NOVA1: variants seen among roughly 807,000 people sequenced by gnomAD.
The protein encoded by NOVA1 is NOVA alternative splicing regulator 1, also known as RNA-binding protein Nova-1.
In NOVA1, 7 loss-of-function variants were observed where a neutral mutation model predicts 38.0. The observed-to-expected ratio is 0.18, with a 90% CI of 0.10 to 0.35. NOVA1 has a LOEUF of 0.35. Among genes scored for constraint, NOVA1 ranks in the 10% least tolerant of loss-of-function variants. The probability of loss-of-function intolerance (pLI) is 1.00; values close to 1 mark genes in which losing one functional copy is unlikely to be tolerated. For missense variants in NOVA1, 460 were observed against 616.0 expected, an observed-to-expected ratio of 0.75 and a Z score of 2.68; for synonymous variants, 270 against 232.5, an observed-to-expected ratio of 1.16 and a Z score of -1.47.
At chr14:26,531,502 G>A (rs536438032) in intron 2 of NOVA1, among the ~76,000 whole-genome samples, 1 of 152,142 alleles carries the variant, frequency 6.6e-6, no homozygotes, top group Non-Finnish European at 1.5e-5. Flanking sequence ...AGCTACTCAG[G>A]AGGCTGAGAC....
intron 4 of NOVA1, 40 bp downstream of exon 4, chr14:26,472,280 C>A: frequency 1.6e-6 from 2 of 1,243,918 alleles, no homozygotes; most frequent in Non-Finnish European, 1.2e-6. Context: ...AGGCAATCAC[C>A]CGTGAAAAGT....
At chr14:26,479,824 C>G in intron 3 of NOVA1, 153 bp downstream of exon 3, 1 of 708,632 alleles carries the variant, frequency 1.4e-6, no homozygotes, top group South Asian at 2.2e-5. Flanking sequence ...AAGGATGAGA[C>G]CTTGATAGTC....
intron 4 of NOVA1, among the ~76,000 whole-genome samples, chr14:26,460,274 TTTCA>T (rs1281688919): frequency 2.0e-5 from 3 of 151,564 alleles, no homozygotes; most frequent in Non-Finnish European, 2.9e-5. Context: ...TACATTAGTA[TTTCA>T]TTAATACTTG....
chr14:26,523,723 C>A, intron 2 of NOVA1, among the ~76,000 whole-genome samples: 2 of 133,284 alleles, frequency 1.5e-5, no homozygotes, highest in Admixed American at 1.5e-4. Flanking sequence ...TTTTTTTTTT[C>A]TTTTTTTTCC....
Position 26,501,190 on chromosome 14 carries a change from A to G in NOVA1, c.281-21047T>C, listed in dbSNP as rs116736183. ...TCAGTGCTATTTGTAGAACTAAACA[A>G]GATGTTAAAAAGAAAAAGAAGATAA... On this transcript the variant is annotated intron_variant, in intron 2 of 4. Transcript: ENST00000539517. Among the ~76,000 whole-genome samples the G allele has an allele frequency of 3.2e-3, 488 of 152,140 alleles. 5 individuals are homozygous for G. The highest frequency in any genetic ancestry group is 0.011 in the African/African-American group (467 of 41,556).
chr14:26,554,783 C>G (rs538527784), intron 2 of NOVA1, among the ~76,000 whole-genome samples: 2 of 152,230 alleles, frequency 1.3e-5, no homozygotes, highest in Non-Finnish European at 2.9e-5. Context: ...TCTATGAATA[C>G]TAGGCTGAAT....
At position 26,443,262 on chromosome 14, in the gene NOVA1, A is replaced by G. The variant is rs1460166193; in HGVS notation, c.*4697T>C. 2.6e-5 allele frequency: 4 copies of G among 152,008 alleles called. No individual in the cohort carries two copies. Among genetic ancestry groups the G allele is most frequent in the African/African-American group, 9.7e-5 (4 of 41,428 alleles). 9.4% of individuals were successfully genotyped at this position (152,008 alleles called of 1,614,324 possible). A position where few individuals can be genotyped will look rare whatever the true frequency, so the allele number is the denominator to read the frequency against. Reference sequence around the variant, plus strand: ...TTCTGTACCACTTTGTAATGAGACAATTGCCTTTCCATTGCAATTATAAAA... The same window carrying G: ...TTCTGTACCACTTTGTAATGAGACAGTTGCCTTTCCATTGCAATTATAAAA... On this transcript the variant is annotated 3_prime_UTR_variant, in exon 5 of 5. Coordinates refer to ENST00000539517, the MANE Select transcript of NOVA1 (RefSeq NM_002515.3).
In NOVA1 at chr14:26,554,293, T is replaced by TCCCTTTCCACCTTTC. The variant is rs1208884805; in HGVS notation, c.280+41102_280+41116dup. ...GTACTACTTACATAAGAAAGCCTTTTCCCTTTCCACCTTTCCCCTTACTTC... is the reference window on the plus strand; with the variant it reads ...GTACTACTTACATAAGAAAGCCTTTTCCCTTTCCACCTTTCCCCTTTCCACCTTTCCCCTTACTTC... On this transcript the variant is annotated intron_variant, in intron 2 of 4. Coordinates refer to ENST00000539517, the MANE Select transcript of NOVA1 (RefSeq NM_002515.3). 7.2e-5 allele frequency among the ~76,000 whole-genome samples: 11 copies of TCCCTTTCCACCTTTC among 151,736 alleles called. No homozygotes were observed. In the South Asian group the frequency reaches 1.9e-3, roughly 26 times the overall value.
rs142750680 is a variant in NOVA1, at chr14:26,539,165, C to T, written c.280+56245G>A. ...TTTACAAGAATACAAACTCCACGAA[C>T]ATAGAGACTTCCTGTATCCCCAGCA... On this transcript the variant is annotated intron_variant, in intron 2 of 4. Transcript: ENST00000539517. 1.6e-4 allele frequency among the ~76,000 whole-genome samples: 24 copies of T among 152,250 alleles called. No individual in the cohort carries two copies. The East Asian group carries it at 4.6e-3, about 29-fold the overall frequency.
At chr14:26,568,732 C>T (rs553102316) in intron 2 of NOVA1, among the ~76,000 whole-genome samples, 1 of 152,238 alleles carries the variant, frequency 6.6e-6, no homozygotes, top group East Asian at 1.9e-4. Context: ...GTAATATGAT[C>T]TTTTGTCTAT....
At chr14:26,485,289 T>A (rs965292477) in intron 2 of NOVA1, among the ~76,000 whole-genome samples, 2 of 152,112 alleles carry the variant, frequency 1.3e-5, no homozygotes, top group East Asian at 3.9e-4. Flanking sequence ...GCCTTTTTTA[T>A]CTACAAAATA....
At chr14:26,450,010 T>C (rs975609587) in intron 4 of NOVA1, among the ~76,000 whole-genome samples, 3 of 152,164 alleles carry the variant, frequency 2.0e-5, no homozygotes, top group African/African-American at 7.2e-5. Flanking sequence ...AATTATATTA[T>C]GGAAGCATAA....
chr14:26,525,983 C>CAAAA (rs1889268158), intron 2 of NOVA1, among the ~76,000 whole-genome samples: 1 of 151,946 alleles, frequency 6.6e-6, no homozygotes, highest in Non-Finnish European at 1.5e-5. Flanking sequence ...AAAATTCTTT[C>CAAAA]CACCTGGTAG....
intron 2 of NOVA1, among the ~76,000 whole-genome samples, chr14:26,589,645 A>C (rs917411367): frequency 1.3e-5 from 2 of 151,798 alleles, no homozygotes; most frequent in African/African-American, 4.8e-5. Flanking sequence ...TATTTTAAGA[A>C]GAACTACCAA....
At position 26,447,798 on chromosome 14, in the gene NOVA1, A is replaced by G. The variant is rs1175283355; in HGVS notation, c.*161T>C. ...ATTCTTTCTATGAAACATCTGGTAA[A>G]ACACATATTATTTACATATACACAT... On this transcript the variant is annotated 3_prime_UTR_variant, in exon 5 of 5. Transcript: ENST00000539517. The G allele has an allele frequency of 1.6e-6, 1 of 630,956 alleles. No homozygotes were observed. Among genetic ancestry groups the G allele is most frequent in the Non-Finnish European group, 2.8e-6 (1 of 358,026 alleles). 39.1% of individuals were successfully genotyped at this position (630,956 alleles called of 1,614,324 possible).
intron 2 of NOVA1, among the ~76,000 whole-genome samples, chr14:26,503,755 T>G (rs1429716552): frequency 6.6e-6 from 1 of 152,084 alleles, no homozygotes. Context: ...ATCCAGAGGT[T>G]AGCTAAATAA....
Position 26,444,768 on chromosome 14 carries a change from G to A in NOVA1, c.*3191C>T, listed in dbSNP as rs1881943685. 6.6e-6 allele frequency: 1 copy of A among 151,862 alleles called. No homozygotes were observed. Among genetic ancestry groups the A allele is most frequent in the Non-Finnish European group, 1.5e-5 (1 of 67,960 alleles). The allele number at this position is 151,862 out of a possible 1,614,324, so 9.4% of individuals were successfully genotyped here. A position where few individuals can be genotyped will look rare whatever the true frequency, so the allele number is the denominator to read the frequency against. On this transcript the variant is annotated 3_prime_UTR_variant, in exon 5 of 5. Coordinates refer to ENST00000539517, the MANE Select transcript of NOVA1 (RefSeq NM_002515.3). Reference sequence around the variant, plus strand: ...GGTCTTCAGTGCAAAGAGGAAGGCAGCCGTTTAAAAAGTCTAGGTGCAATG... The same window carrying A: ...GGTCTTCAGTGCAAAGAGGAAGGCAACCGTTTAAAAAGTCTAGGTGCAATG...
At chr14:26,591,601 A>G (rs1893843683) in intron 2 of NOVA1, among the ~76,000 whole-genome samples, 1 of 151,708 alleles carries the variant, frequency 6.6e-6, no homozygotes, top group African/African-American at 2.4e-5. Flanking sequence ...CTCTTCCTTC[A>G]ATGATGTAAA....
At chr14:26,474,343 C>G (rs961107317) in intron 3 of NOVA1, among the ~76,000 whole-genome samples, 4 of 151,920 alleles carry the variant, frequency 2.6e-5, no homozygotes, top group African/African-American at 4.8e-5. Context: ...TCCACCTTGT[C>G]TTGGATACAA....
Sources: allele counts gnomAD v4.1 joint callset (sites outside exome capture counted in the v4.1 genomes callset), GRCh38; gene constraint gnomAD v4.1.1; transcripts MANE v1.5; gene names NCBI Gene and HGNC (gene_info 2026-07-23, HGNC 2026-07-21).